Variants in BCKDHB observed in about 807,000 individuals in gnomAD.
BCKDHB encodes the protein 2-oxoisovalerate dehydrogenase subunit beta, mitochondrial.
BCKDHB carries 41 observed loss-of-function variants against 48.5 expected under a neutral mutation model. That is an observed-to-expected ratio of 0.85 (90% CI 0.66 to 1.10). The LOEUF (loss-of-function observed/expected upper bound fraction) is 1.10, where lower values mean the gene tolerates loss of function less well. Among genes scored for constraint, BCKDHB ranks in the 50% least tolerant of loss-of-function variants. BCKDHB has a pLI of 0.00. For synonymous variants in BCKDHB, 201 were observed against 174.8 expected (o/e 1.15, Z -1.18); for missense variants, 496 against 494.2 (o/e 1.00, Z -0.03).
At chr6:80,137,921 T>G (rs1380117343) in intron 3 of BCKDHB, among the ~76,000 whole-genome samples, 1 of 150,644 alleles carries the variant, frequency 6.6e-6, no homozygotes, top group Non-Finnish European at 1.5e-5. Context: ...ACCCCACCCC[T>G]ACAAAAAATT....
the BCKDHB span, among the ~76,000 whole-genome samples, chr6:80,382,133 GACAA>G: frequency 6.6e-6 from 1 of 152,066 alleles, no homozygotes; most frequent in Non-Finnish European, 1.5e-5. Context: ...ATCCATCTTT[GACAA>G]TTATGGACTC....
the BCKDHB span, among the ~76,000 whole-genome samples, chr6:80,403,078 G>T: frequency 6.6e-6 from 1 of 151,402 alleles, no homozygotes; most frequent in African/African-American, 2.4e-5. Flanking sequence ...TACTGCTTTT[G>T]CTATTCTGTA....
At position 80,203,215 on chromosome 6, in the gene BCKDHB, A is replaced by G. The variant is rs1262300658; in HGVS notation, c.951+3A>G. 2.6e-6 allele frequency: 4 copies of G among 1,557,524 alleles called. No individual in the cohort carries two copies. Among genetic ancestry groups the G allele is most frequent in the Non-Finnish European group, 8.9e-7 (1 of 1,128,846 alleles). Reference sequence around the variant, plus strand: ...GGGATGTGGACACAATTTGTAAGGTATGAATATAATGGTGATAGAATGTCA... The same window carrying G: ...GGGATGTGGACACAATTTGTAAGGTGTGAATATAATGGTGATAGAATGTCA... On this transcript the variant is annotated splice_donor_region_variant and intron_variant, in intron 8 of 9. Transcript: ENST00000320393.
intron 3 of BCKDHB, among the ~76,000 whole-genome samples, chr6:80,165,861 G>T (rs888209767): frequency 6.6e-6 from 1 of 152,198 alleles, no homozygotes; most frequent in Non-Finnish European, 1.5e-5. Context: ...GTGGGCACAA[G>T]TGTTGGCAAG....
intron 9 of BCKDHB, among the ~76,000 whole-genome samples, chr6:80,322,896 C>CT (rs34177726): frequency 0.078 from 8,976 of 115,518 alleles, 395 homozygotes; most frequent in South Asian, 0.25. Context: ...TTTCTTTTTT[C>CT]TTTTTTTTTT....
At chr6:80,261,648 T>G (rs1371432908) in intron 8 of BCKDHB, among the ~76,000 whole-genome samples, 1 of 152,100 alleles carries the variant, frequency 6.6e-6, no homozygotes, top group East Asian at 1.9e-4. Flanking sequence ...TTTAGCTTAC[T>G]TATGAGACTT....
intron 8 of BCKDHB, among the ~76,000 whole-genome samples, chr6:80,271,214 A>G (rs1777727560): frequency 1.3e-5 from 2 of 152,166 alleles, no homozygotes; most frequent in Non-Finnish European, 2.9e-5. Flanking sequence ...TCGTCCTGCA[A>G]CTTACTCATT....
chr6:80,374,077 C>A, the BCKDHB span: 26,083 of 690,886 alleles, frequency 0.038, 727 homozygotes, highest in Non-Finnish European at 0.054. Flanking sequence ...TTCTTCTGGG[C>A]AACTTCTTCT....
At chr6:80,341,912 A>T (rs1393506096) in intron 9 of BCKDHB, among the ~76,000 whole-genome samples, 1 of 152,194 alleles carries the variant, frequency 6.6e-6, no homozygotes, top group African/African-American at 2.4e-5. Flanking sequence ...CCAGTCTGTC[A>T]TCTCTTTTCA....
chr6:80,337,850 G>A (rs1447640348), intron 9 of BCKDHB, among the ~76,000 whole-genome samples: 5 of 152,112 alleles, frequency 3.3e-5, no homozygotes, highest in Non-Finnish European at 7.4e-5. Context: ...TACAGGAAAC[G>A]TATGCCTGTT....
At chr6:80,126,819 G>T (rs1411341567) in intron 1 of BCKDHB, among the ~76,000 whole-genome samples, 1 of 152,130 alleles carries the variant, frequency 6.6e-6, no homozygotes, top group Non-Finnish European at 1.5e-5. Context: ...ATACCATTCA[G>T]AAGAGTACTA....
At chr6:80,404,720 G>A in the BCKDHB span, among the ~76,000 whole-genome samples, 1 of 151,834 alleles carries the variant, frequency 6.6e-6, no homozygotes, top group South Asian at 2.1e-4. Flanking sequence ...TCTTAGAACT[G>A]CTTTTGCTGT....
At chr6:80,414,321 T>C in the BCKDHB span, among the ~76,000 whole-genome samples, 1 of 152,196 alleles carries the variant, frequency 6.6e-6, no homozygotes, top group Non-Finnish European at 1.5e-5. Context: ...TTTGTCAATT[T>C]TGGCTTTTTT....
intron 6 of BCKDHB, among the ~76,000 whole-genome samples, chr6:80,173,714 T>C (rs983562319): frequency 6.6e-6 from 1 of 152,076 alleles, no homozygotes; most frequent in Non-Finnish European, 1.5e-5. Context: ...TTAGTTCTTA[T>C]ATAGAGAGGA....
At chr6:80,310,952 T>A (rs1768121754) in intron 9 of BCKDHB, among the ~76,000 whole-genome samples, 1 of 152,206 alleles carries the variant, frequency 6.6e-6, no homozygotes, top group Non-Finnish European at 1.5e-5. Flanking sequence ...TGAGGTTCTT[T>A]TTTTCTTGTA....
the BCKDHB span, among the ~76,000 whole-genome samples, chr6:80,411,041 T>C: frequency 6.6e-6 from 1 of 152,220 alleles, no homozygotes; most frequent in Non-Finnish European, 1.5e-5. Flanking sequence ...GTTTTTGGAA[T>C]TTTCTGCTTT....
At chr6:80,448,492 TG>T in the BCKDHB span, among the ~76,000 whole-genome samples, 6 of 152,036 alleles carry the variant, frequency 3.9e-5, no homozygotes, top group Admixed American at 6.6e-5. Context: ...GGGGCCAGGA[TG>T]GCAATGACAG....
At chr6:80,349,263 A>G (rs745492696), downstream of BCKDHB, among the ~76,000 whole-genome samples, 7 of 152,202 alleles carry the variant, frequency 4.6e-5, no homozygotes, top group Non-Finnish European at 8.8e-5. Flanking sequence ...CACTAATAGA[A>G]CTAAAAGCAG....
At chr6:80,135,893 T>A in intron 3 of BCKDHB, 1 of 152,184 alleles carries the variant, frequency 6.6e-6, no homozygotes, top group Admixed American at 6.6e-5. Flanking sequence ...ATTTGACTGT[T>A]CCTTATGTGA....
Sources: gnomAD v4.1 joint callset for allele counts (sites outside exome capture counted in the v4.1 genomes callset) on GRCh38, gnomAD v4.1.1 for gene constraint, MANE v1.5 for transcripts, NCBI Gene and HGNC (gene_info 2026-07-23, HGNC 2026-07-21) for gene names.